Variants in KIF26B observed in about 807,000 individuals in gnomAD.
KIF26B encodes kinesin family member 26B, also known as kinesin-like protein KIF26B.
In KIF26B, 63 loss-of-function variants were observed where a neutral mutation model predicts 151.2. The observed-to-expected ratio is 0.42, with a 90% CI of 0.34 to 0.51. The LOEUF is 0.51. Among genes scored for constraint, KIF26B ranks in the 20% least tolerant of loss-of-function variants. The pLI is 0.07. For missense variants in KIF26B, 2,813 were observed against 2,913.6 expected, an observed-to-expected ratio of 0.97 and a Z score of 0.79; for synonymous variants, 1,357 against 1,262.1, an observed-to-expected ratio of 1.08 and a Z score of -1.59.
chr1:245,515,489 C>T (rs1264041264), intron 4 of KIF26B, among the ~76,000 whole-genome samples: 1 of 152,058 alleles, frequency 6.6e-6, no homozygotes, highest in Non-Finnish European at 1.5e-5. Context: ...TGCCCTGCCT[C>T]AGGTCTTGAG....
intron 5 of KIF26B, among the ~76,000 whole-genome samples, chr1:245,586,152 A>T: frequency 6.9e-6 from 1 of 145,416 alleles, no homozygotes; most frequent in African/African-American, 2.7e-5. Flanking sequence ...ACACACCACC[A>T]TGACCAGTGT....
At chr1:245,234,940 G>T (rs182384533) in intron 2 of KIF26B, among the ~76,000 whole-genome samples, 1 of 152,288 alleles carries the variant, frequency 6.6e-6, no homozygotes, top group Non-Finnish European at 1.5e-5. Context: ...TCTGCAGGAG[G>T]TCCTCCTGGC....
intron 2 of KIF26B, among the ~76,000 whole-genome samples, chr1:245,226,448 G>A (rs1669875594): frequency 6.6e-6 from 1 of 151,900 alleles, no homozygotes; most frequent in Non-Finnish European, 1.5e-5. Context: ...TTCTTGTGGA[G>A]GGTGCACCTC....
At chr1:245,501,832 G>A (rs773258389) in intron 4 of KIF26B, among the ~76,000 whole-genome samples, 3 of 152,250 alleles carry the variant, frequency 2.0e-5, no homozygotes, top group Non-Finnish European at 4.4e-5. Flanking sequence ...CTGCACTTCC[G>A]TCTTTAGAAC....
At chr1:245,621,117 G>A (rs2043654145) in intron 9 of KIF26B, among the ~76,000 whole-genome samples, 1 of 152,200 alleles carries the variant, frequency 6.6e-6, no homozygotes, top group Non-Finnish European at 1.5e-5. Flanking sequence ...AATTAAATTA[G>A]AAAGGCTGGG....
At chr1:245,193,990 C>A (rs1432374241) in intron 2 of KIF26B, among the ~76,000 whole-genome samples, 1 of 152,194 alleles carries the variant, frequency 6.6e-6, no homozygotes, top group South Asian at 2.1e-4. Context: ...TTGCTGCTGA[C>A]TGATCATTTA....
At chr1:245,341,400 G>GCCTCAA (rs1672332606) in intron 2 of KIF26B, among the ~76,000 whole-genome samples, 1 of 131,452 alleles carries the variant, frequency 7.6e-6, no homozygotes, top group Middle Eastern at 5.2e-3. Context: ...GCTCACCACA[G>GCCTCAA]CCTCAACCTC....
intron 5 of KIF26B, among the ~76,000 whole-genome samples, chr1:245,593,440 T>C (rs2043310128): frequency 6.6e-6 from 1 of 152,154 alleles, no homozygotes; most frequent in Non-Finnish European, 1.5e-5. Context: ...TCTATTCCTG[T>C]ATTAGTTTGC....
intron 2 of KIF26B, among the ~76,000 whole-genome samples, chr1:245,236,987 T>A (rs1298791305): frequency 2.0e-5 from 3 of 152,256 alleles, no homozygotes. Flanking sequence ...AAGGCCGATC[T>A]GGGACTGAGT....
At position 245,184,050 on chromosome 1, in the gene KIF26B, G is replaced by GTTTTTTTTTTGTTTTTTTTTTT. The variant is rs1668956872; in HGVS notation, c.465+27377_465+27378insGTTTTTTTTTTTTTTTTTTTTT. On this transcript the variant is annotated intron_variant, in intron 2 of 14. Coordinates refer to ENST00000407071, the MANE Select transcript of KIF26B (RefSeq NM_018012.4). ...GCAACAGGTATGGGTGGGAGTTGTT[G>GTTTTTTTTTTGTTTTTTTTTTT]TTTTTTTTTTTTTTTTTTTGAGCTT... Among the ~76,000 whole-genome samples the GTTTTTTTTTTGTTTTTTTTTTT allele has an allele frequency of 1.0e-4, 2 of 19,804 alleles. 1 individual carries two copies. Among genetic ancestry groups the GTTTTTTTTTTGTTTTTTTTTTT allele is most frequent in the Non-Finnish European group, 2.0e-4 (2 of 10,064 alleles). 13.0% of individuals were successfully genotyped at this position (19,804 alleles called of 152,430 possible).
chr1:245,203,264 A>G (rs1403241255), intron 2 of KIF26B, among the ~76,000 whole-genome samples: 2 of 149,224 alleles, frequency 1.3e-5, no homozygotes, highest in Non-Finnish European at 3.0e-5. Flanking sequence ...AAAAAAGAAA[A>G]TGAGTTAAAG....
intron 3 of KIF26B, among the ~76,000 whole-genome samples, chr1:245,397,783 C>T (rs4658766): frequency 0.11 from 16,322 of 152,126 alleles, 1,600 homozygotes; most frequent in African/African-American, 0.27. Context: ...GAAGAGACAG[C>T]GGACATGATT....
In KIF26B at chr1:245,220,817, C is replaced by A. The variant is rs939039523; in HGVS notation, c.465+64134C>A. On this transcript the variant is annotated intron_variant, in intron 2 of 14. Transcript: ENST00000407071. ...GGGGGCTGGGGTGGGTATGGACAGG[C>A]TTTTGGGGAGGGAAGACCACAGCCT... Among the ~76,000 whole-genome samples the A allele has an allele frequency of 5.3e-5, 8 of 152,006 alleles. 1 individual carries two copies. Among genetic ancestry groups the A allele is most frequent in the Admixed American group, 5.2e-4 (8 of 15,252 alleles).
At chr1:245,621,322 A>G (rs1332604173) in intron 9 of KIF26B, among the ~76,000 whole-genome samples, 1 of 152,148 alleles carries the variant, frequency 6.6e-6, no homozygotes, top group Admixed American at 6.6e-5. Context: ...TTTAACTTCT[A>G]TGAGCCTCAG....
At chr1:245,171,220 AG>A (rs1668701389) in intron 2 of KIF26B, among the ~76,000 whole-genome samples, 1 of 152,240 alleles carries the variant, frequency 6.6e-6, no homozygotes. Context: ...ATATCTCTTC[AG>A]CACATCGTTT....
At chr1:245,583,961 T>C (rs2043201146) in intron 5 of KIF26B, among the ~76,000 whole-genome samples, 3 of 152,250 alleles carry the variant, frequency 2.0e-5, no homozygotes, top group Non-Finnish European at 4.4e-5. Context: ...GCAGAGGATC[T>C]TTCCCTGGGG....
chr1:245,470,857 T>G (rs1157541946), intron 4 of KIF26B, among the ~76,000 whole-genome samples: 1 of 152,174 alleles, frequency 6.6e-6, no homozygotes, highest in Non-Finnish European at 1.5e-5. Context: ...CAGATGCTCA[T>G]TTCCTTCTGG....
At chr1:245,437,177 G>A (rs892294906) in intron 4 of KIF26B, among the ~76,000 whole-genome samples, 17 of 152,118 alleles carry the variant, frequency 1.1e-4, no homozygotes, top group Non-Finnish European at 1.9e-4. Context: ...ATGAGCCACC[G>A]CACCTGGCCC....
chr1:245,223,190 C>T (rs1468931132), intron 2 of KIF26B, among the ~76,000 whole-genome samples: 2 of 152,166 alleles, frequency 1.3e-5, no homozygotes, highest in Non-Finnish European at 2.9e-5. Context: ...AATCAGCTAG[C>T]CCCAGATTGC....
Sources: gnomAD v4.1 joint callset for allele counts (sites outside exome capture counted in the v4.1 genomes callset) on GRCh38, gnomAD v4.1.1 for gene constraint, MANE v1.5 for transcripts, NCBI Gene and HGNC (gene_info 2026-07-23, HGNC 2026-07-21) for gene names.